CLEC12B: variants seen among roughly 807,000 people sequenced by gnomAD.
CLEC12B encodes the protein macrophage antigen h.
CLEC12B carries 25 observed loss-of-function variants against 36.1 expected under a neutral mutation model. The observed-to-expected ratio is 0.69, with a 90% CI of 0.50 to 0.97. CLEC12B has a LOEUF of 0.97. CLEC12B is among the 50% of genes least tolerant of loss of function. CLEC12B has a pLI of 0.00. For missense variants in CLEC12B, 325 were observed against 318.4 expected (o/e 1.02, Z -0.16); for synonymous variants, 110 against 108.5 (o/e 1.01, Z -0.09).
intron 5 of CLEC12B, among the ~76,000 whole-genome samples, chr12:10,018,105 G>T (rs1184176021): frequency 6.6e-6 from 1 of 152,084 alleles, no homozygotes; most frequent in African/African-American, 2.4e-5. Flanking sequence ...TTCTCTTAAA[G>T]AATTCTACCT....
In CLEC12B at chr12:10,018,549, C is replaced by T. The variant is rs909514721; in HGVS notation, c.*68C>T. ...TAAGCTCATATGAGGAAAGAGGAAA[C>T]TACGGTACCAGAGCCAAACCAGCTT... is the stretch of plus-strand genomic sequence containing the variant. On this transcript the variant is annotated 3_prime_UTR_variant, in exon 6 of 6. Coordinates refer to ENST00000338896, the MANE Select transcript of CLEC12B (RefSeq NM_001129998.3). 12 of 1,351,120 alleles carry T rather than the reference C, an allele frequency of 8.9e-6. No homozygotes were observed. In the African/African-American group the frequency reaches 1.2e-4, roughly 13 times the overall value. 83.7% of individuals were successfully genotyped at this position (1,351,120 alleles called of 1,614,324 possible).
upstream of CLEC12B, among the ~76,000 whole-genome samples, chr12:10,009,613 T>C (rs1865277488): frequency 6.6e-6 from 1 of 151,734 alleles, no homozygotes; most frequent in African/African-American, 2.4e-5. Flanking sequence ...TATTTAGGTG[T>C]TTAGAGATCA....
At chr12:10,015,177 T>G in intron 3 of CLEC12B, 75 bp from the exon 4 acceptor site, 1 of 1,228,032 alleles carries the variant, frequency 8.1e-7, no homozygotes, top group Non-Finnish European at 1.2e-6. Flanking sequence ...TTCAATTACA[T>G]GATTTTGTTT....
chr12:10,012,152 C>A (rs986736453), intron 1 of CLEC12B, among the ~76,000 whole-genome samples: 5 of 152,110 alleles, frequency 3.3e-5, no homozygotes, highest in Non-Finnish European at 5.9e-5. Flanking sequence ...TGATAAATAG[C>A]ATGAATAATA....
chr12:10,008,279 A>G (rs1865253910), upstream of CLEC12B, among the ~76,000 whole-genome samples: 1 of 152,212 alleles, frequency 6.6e-6, no homozygotes. Context: ...TAGCAATTAT[A>G]TGCCTAGTGA....
intron 4 of CLEC12B, 53 bp downstream of exon 4, chr12:10,015,459 G>A: frequency 1.3e-6 from 2 of 1,572,704 alleles, no homozygotes; most frequent in Non-Finnish European, 1.7e-6. Flanking sequence ...CAATGAGAGA[G>A]AAATAAATAA....
intron 5 of CLEC12B, chr12:10,017,703 T>A: frequency 1.1e-6 from 1 of 931,430 alleles, no homozygotes; most frequent in Non-Finnish European, 1.3e-6. Context: ...GCAGGTCATT[T>A]AGAAAAAAAC....
chr12:10,012,739 G>A (rs769467882), intron 1 of CLEC12B, 46 bp from the exon 2 acceptor site: 2 of 1,458,688 alleles, frequency 1.4e-6, no homozygotes, highest in Non-Finnish European at 9.6e-7. Flanking sequence ...AGTGAAACAA[G>A]CACAAAGCAG....
intron 5 of CLEC12B, 87 bp downstream of exon 5, chr12:10,015,814 A>G (rs1437982433): frequency 1.9e-6 from 3 of 1,590,410 alleles, no homozygotes; most frequent in Non-Finnish European, 2.6e-6. Context: ...ATAAATACAG[A>G]CATAAAAAGA....
chr12:10,016,927 C>G (rs1473644716), intron 5 of CLEC12B: 2 of 945,922 alleles, frequency 2.1e-6, no homozygotes, highest in Non-Finnish European at 2.5e-6. Flanking sequence ...ACCTTCCTCC[C>G]CCAACAAATC....
chr12:10,014,677 T>A lies in CLEC12B; in HGVS notation c.345T>A (p.Ser115Arg). Reference protein sequence around the residue: ...EEEFLKSQISSVLKRQEQMAI... With the variant: ...EEEFLKSQISRVLKRQEQMAI... ...AATTTCTCAAGTCACAGATCTCCAG[T>A]GTACTGAAGAGGCAGGAACAAATGG... The change falls in exon 3 of 6, where the codon AGT (serine) becomes AGA (arginine). Residue 115 changes from serine (S) to arginine (R), a missense_variant. Coordinates refer to ENST00000338896, the MANE Select transcript of CLEC12B (RefSeq NM_001129998.3). The A allele has an allele frequency of 6.2e-7, 1 of 1,613,696 alleles. No individual in the cohort carries two copies.
At chr12:10,017,727 A>C in intron 5 of CLEC12B, 1 of 891,632 alleles carries the variant, frequency 1.1e-6, no homozygotes, top group Non-Finnish European at 1.3e-6. Context: ...GTTGGGCACA[A>C]AGAAAATTTA....
At chr12:10,015,089 C>A (rs184648682) in intron 3 of CLEC12B, among the ~76,000 whole-genome samples, 163 bp from the exon 4 acceptor site, 3 of 152,222 alleles carry the variant, frequency 2.0e-5, no homozygotes, top group African/African-American at 7.2e-5. Flanking sequence ...TTGCCCCAAC[C>A]CATAACCAGG....
chr12:10,014,493 T>C (rs758766836), intron 2 of CLEC12B, 30 bp from the exon 3 acceptor site: 1 of 1,460,222 alleles, frequency 6.8e-7, no homozygotes, highest in Non-Finnish European at 9.6e-7. Context: ...TAGAAGAATA[T>C]ATGAACTTGT....
intron 1 of CLEC12B, 120 bp downstream of exon 1, chr12:10,010,970 A>G (rs1865314704): frequency 1.6e-6 from 1 of 610,060 alleles, no homozygotes; most frequent in East Asian, 3.0e-5. Flanking sequence ...CAAAATGGGG[A>G]CAAATAGTTG....
In CLEC12B at chr12:10,015,680, T is replaced by C. The variant is rs1865468184; in HGVS notation, c.633T>C (p.Ser211=). ...FFWLGLSWDS[S]GRSWFWEDGS... ...GGCTGGGATTATCATGGGACTCCTC[T>C]GGCAGAAGTTGGTTCTGGGAAGATG... Residue 211 remains serine (S), a synonymous_variant, in exon 5 of 6, where the codon TCT becomes TCC. Coordinates refer to ENST00000338896, the MANE Select transcript of CLEC12B (RefSeq NM_001129998.3). The C allele has an allele frequency of 9.9e-6, 16 of 1,613,828 alleles. No individual in the cohort carries two copies. Among genetic ancestry groups the C allele is most frequent in the Non-Finnish European group, 1.3e-5 (15 of 1,179,746 alleles).
upstream of CLEC12B, among the ~76,000 whole-genome samples, chr12:10,007,887 A>G (rs1865249781): frequency 6.6e-6 from 1 of 152,216 alleles, no homozygotes; most frequent in African/African-American, 2.4e-5. Context: ...CATGCTGGGT[A>G]TAATAGGAAA....
At position 10,018,632 on chromosome 12, in the gene CLEC12B, T is replaced by G. The variant is rs542782543; in HGVS notation, c.*151T>G. The G allele has an allele frequency of 3.1e-6, 2 of 654,340 alleles. No individual in the cohort carries two copies. The highest frequency in any genetic ancestry group is 2.9e-5 in the East Asian group (1 of 34,434). The allele number at this position is 654,340 out of a possible 1,614,324, so 40.5% of individuals were successfully genotyped here. A position where few individuals can be genotyped will look rare whatever the true frequency, so the allele number is the denominator to read the frequency against. Reference sequence around the variant, plus strand: ...AATGAACTTGTTTAACAGAACATTCTCCAGTTCCTTGTCTGACGTCTTCTG... The same window carrying G: ...AATGAACTTGTTTAACAGAACATTCGCCAGTTCCTTGTCTGACGTCTTCTG... On this transcript the variant is annotated 3_prime_UTR_variant, in exon 6 of 6. Coordinates refer to ENST00000338896, the MANE Select transcript of CLEC12B (RefSeq NM_001129998.3).
In CLEC12B at chr12:10,015,243, C is replaced by A; in HGVS notation, c.410-9C>A. ...CAGTTTATATTATTGGGTATAATTTCCTTTTCAGACCACAGATGTAATCCA... is the reference window on the plus strand; with the variant it reads ...CAGTTTATATTATTGGGTATAATTTACTTTTCAGACCACAGATGTAATCCA... On this transcript the variant is annotated splice_polypyrimidine_tract_variant and intron_variant, in intron 3 of 5. Coordinates refer to ENST00000338896, the MANE Select transcript of CLEC12B (RefSeq NM_001129998.3). 2.5e-6 allele frequency: 4 copies of A among 1,606,412 alleles called. No individual in the cohort carries two copies. The highest frequency in any genetic ancestry group is 3.4e-6 in the Non-Finnish European group (4 of 1,176,200).
Sources: allele counts gnomAD v4.1 joint callset (sites outside exome capture counted in the v4.1 genomes callset), GRCh38; gene constraint gnomAD v4.1.1; transcripts MANE v1.5; gene names NCBI Gene and HGNC (gene_info 2026-07-23, HGNC 2026-07-21).